The following MYO16 variants were observed in gnomAD, a reference collection of about 807,000 sequenced individuals.
MYO16 encodes myosin XVI.
Under a neutral mutation model 205.3 loss-of-function variants are expected in MYO16, and 94 were observed. The observed-to-expected ratio is 0.46, with a 90% CI of 0.39 to 0.54. MYO16 has a LOEUF of 0.54. MYO16 is among the 20% of genes least tolerant of loss of function. The pLI is 0.00. For missense variants in MYO16, 2,315 were observed against 2,387.5 expected (o/e 0.97, Z 0.63); for synonymous variants, 988 against 954.0 (o/e 1.04, Z -0.66).
At chr13:108,583,804 A>G in the MYO16 span, among the ~76,000 whole-genome samples, 3 of 152,204 alleles carry the variant, frequency 2.0e-5, no homozygotes, top group African/African-American at 4.8e-5. Context: ...TCCACCTTCA[A>G]TATCATCGGG....
chr13:108,655,510 T>A (rs1343893137), intron 1 of MYO16, among the ~76,000 whole-genome samples: 1 of 151,962 alleles, frequency 6.6e-6, no homozygotes, highest in African/African-American at 2.4e-5. Context: ...TAGGGCAGTG[T>A]GGAAGGGAAA....
intron 4 of MYO16, among the ~76,000 whole-genome samples, chr13:108,778,286 CT>C (rs1886187846): frequency 6.6e-6 from 1 of 152,202 alleles, no homozygotes; most frequent in African/African-American, 2.4e-5. Context: ...GCTGCTTCCC[CT>C]GGCGAGGAAG....
chr13:109,048,302 G>T, intron 24 of MYO16: 1 of 731,356 alleles, frequency 1.4e-6, no homozygotes, highest in East Asian at 2.5e-5. Context: ...AAAAGTTCCA[G>T]GAAAAAACAA....
intron 27 of MYO16, among the ~76,000 whole-genome samples, chr13:109,095,098 A>G (rs1171860738): frequency 1.3e-5 from 2 of 152,230 alleles, no homozygotes; most frequent in African/African-American, 4.8e-5. Context: ...TAGATATGAA[A>G]GTAGATAACA....
chr13:108,722,179 G>A (rs1884189045), intron 3 of MYO16, among the ~76,000 whole-genome samples: 1 of 152,162 alleles, frequency 6.6e-6, no homozygotes, highest in African/African-American at 2.4e-5. Context: ...GGCTGCAGGT[G>A]GAGGACCTGG....
At chr13:109,012,675 G>A (rs972099580) in intron 22 of MYO16, among the ~76,000 whole-genome samples, 3 of 151,796 alleles carry the variant, frequency 2.0e-5, no homozygotes, top group Non-Finnish European at 4.4e-5. Flanking sequence ...GTGGTCAGAA[G>A]GTATTCCATA....
At chr13:108,883,230 G>C in intron 13 of MYO16, 44 bp downstream of exon 13, 1 of 1,594,038 alleles carries the variant, frequency 6.3e-7, no homozygotes, top group Non-Finnish European at 8.6e-7. Context: ...GGTTTGCCAC[G>C]GGGCTTGGCA....
intron 1 of MYO16, among the ~76,000 whole-genome samples, chr13:108,649,388 G>A (rs1880899577): frequency 1.3e-5 from 2 of 152,094 alleles, no homozygotes; most frequent in South Asian, 4.1e-4. Context: ...AGTTGACTTG[G>A]ACAATGTTTC....
chr13:108,563,319 T>G, the MYO16 span, among the ~76,000 whole-genome samples: 1 of 152,316 alleles, frequency 6.6e-6, no homozygotes, highest in South Asian at 2.1e-4. Context: ...ACTTATCCTT[T>G]GTGTTTCAAA....
At chr13:108,713,270 TCAA>T (rs1158213271) in intron 3 of MYO16, among the ~76,000 whole-genome samples, 9 of 152,172 alleles carry the variant, frequency 5.9e-5, no homozygotes, top group African/African-American at 2.2e-4. Context: ...GAGGTAAAAG[TCAA>T]CAAGTATTCG....
At chr13:108,827,886 T>A (rs756494137) in intron 9 of MYO16, among the ~76,000 whole-genome samples, 5 of 152,226 alleles carry the variant, frequency 3.3e-5, no homozygotes, top group Admixed American at 6.5e-5. Context: ...AGTTTGGATA[T>A]GTGCCAACTT....
Position 108,806,801 on chromosome 13 carries a change from C to A in MYO16, c.864C>A (p.Gly288=). The A allele has an allele frequency of 6.5e-7, 1 of 1,530,520 alleles. No homozygotes were observed. The highest frequency in any genetic ancestry group is 8.8e-7 in the Non-Finnish European group (1 of 1,133,470). The allele number at this position is 1,530,520 out of a possible 1,614,324, so 94.8% of individuals were successfully genotyped here. The change falls in exon 7 of 35, where the codon GGC becomes GGA. Residue 288 remains glycine (G), a synonymous_variant. Coordinates refer to ENST00000457511, the MANE Select transcript of MYO16 (RefSeq NM_001198950.3). The stretch of plus-strand genomic sequence containing the variant: ...CCCTCCACTTGGCAGCCAAATATGG[C>A]CAGGTAGAGTGATTTGCTGAATTCT... ...WTPLHLAAKY[G]QTNLVKLLLM...
the MYO16 span, among the ~76,000 whole-genome samples, chr13:108,497,351 A>T: frequency 3.3e-5 from 5 of 152,200 alleles, no homozygotes; most frequent in East Asian, 7.7e-4. Flanking sequence ...GTCTTTTTGA[A>T]GTTATTTTAG....
At chr13:108,817,800 G>A (rs1283116008) in intron 7 of MYO16, among the ~76,000 whole-genome samples, 1 of 152,074 alleles carries the variant, frequency 6.6e-6, no homozygotes, top group African/African-American at 2.4e-5. Flanking sequence ...TACCACCAAC[G>A]TTTATCAATT....
the MYO16 span, among the ~76,000 whole-genome samples, chr13:108,551,148 A>G: frequency 6.6e-6 from 1 of 152,018 alleles, no homozygotes. Context: ...TTCTATCTCC[A>G]TTTGTTTTCA....
intron 2 of MYO16, among the ~76,000 whole-genome samples, chr13:108,672,910 T>C (rs1324360158): frequency 1.3e-5 from 2 of 151,950 alleles, no homozygotes; most frequent in African/African-American, 4.8e-5. Context: ...TAGTCCACAA[T>C]GTGTTTCCAT....
At chr13:108,715,787 A>G (rs1170373911) in intron 3 of MYO16, among the ~76,000 whole-genome samples, 1 of 152,186 alleles carries the variant, frequency 6.6e-6, no homozygotes, top group East Asian at 1.9e-4. Context: ...TCTGGGCATC[A>G]GTTACAAAGG....
the MYO16 span, among the ~76,000 whole-genome samples, chr13:108,499,518 A>AC: frequency 6.6e-6 from 1 of 152,088 alleles, no homozygotes; most frequent in Non-Finnish European, 1.5e-5. Context: ...CGCACCCCCA[A>AC]CCCCCCATCT....
At chr13:108,996,215 A>G (rs760932517) in intron 21 of MYO16, among the ~76,000 whole-genome samples, 1 of 152,240 alleles carries the variant, frequency 6.6e-6, no homozygotes, top group Non-Finnish European at 1.5e-5. Context: ...TATAGTTCAC[A>G]TAGCTCAGCA....
Sources: gnomAD v4.1 joint callset for allele counts (sites outside exome capture counted in the v4.1 genomes callset) on GRCh38, gnomAD v4.1.1 for gene constraint, MANE v1.5 for transcripts, NCBI Gene and HGNC (gene_info 2026-07-23, HGNC 2026-07-21) for gene names.